Variants in CCDC77 observed in about 807,000 individuals in gnomAD.
CCDC77 encodes coiled-coil domain-containing protein 77.
A neutral mutation model predicts 66.8 loss-of-function variants in CCDC77; 56 were observed. The ratio of observed to expected loss-of-function variants is 0.84; its 90% CI spans 0.68 to 1.05. CCDC77 has a LOEUF of 1.05. Ranked by LOEUF, CCDC77 falls within the 50% of genes least tolerant of loss-of-function variation. The pLI is 0.00. For missense variants in CCDC77, 570 were observed against 576.8 expected (o/e 0.99, Z 0.12); for synonymous variants, 196 against 195.2 (o/e 1.00, Z -0.03).
intron 1 of CCDC77, among the ~76,000 whole-genome samples, chr12:396,275 C>A (rs992973560): frequency 1.3e-4 from 20 of 152,024 alleles, no homozygotes; most frequent in African/African-American, 4.3e-4. Context: ...GCCTGTAATC[C>A]CAGCTACTTG....
intron 9 of CCDC77, among the ~76,000 whole-genome samples, chr12:434,072 T>C (rs1357158178): frequency 6.6e-6 from 1 of 152,188 alleles, no homozygotes; most frequent in Non-Finnish European, 1.5e-5. Context: ...CTGTAAACTT[T>C]ACAGTTTACA....
rs548239850 is a variant in CCDC77 at position 395,620 on chromosome 12, G to A, written c.-113+6134G>A. On this transcript the variant is annotated intron_variant, in intron 1 of 11. Transcript: ENST00000422000. ...GATTAAAAAACAGTACAGGCCGAGT[G>A]TGCTGGCTCACGCCTGTAATCCCAG... 1.7e-3 allele frequency among the ~76,000 whole-genome samples: 261 copies of A among 152,246 alleles called. 1 individual carries two copies. Among genetic ancestry groups the A allele is most frequent in the Admixed American group, 3.1e-3 (47 of 15,292 alleles).
chr12:429,424 G>T (rs1351556230), intron 6 of CCDC77, among the ~76,000 whole-genome samples: 2 of 148,438 alleles, frequency 1.3e-5, no homozygotes, highest in Non-Finnish European at 3.0e-5. Flanking sequence ...ATCTGTATAC[G>T]TATACTTCTG....
intron 1 of CCDC77, among the ~76,000 whole-genome samples, chr12:395,457 A>G (rs1944814967): frequency 6.6e-6 from 1 of 152,236 alleles, no homozygotes; most frequent in Non-Finnish European, 1.5e-5. Context: ...TGAATATCCA[A>G]TCAGGAGGGA....
rs755760355 is a variant in CCDC77, at chr12:438,323, T to C, written c.822-12T>C. Reference sequence around the variant, plus strand: ...CGCATCCTCATGTCTGCATTTATACTTTCTTTCCTAGTCTTCACCACACCC... The same window carrying C: ...CGCATCCTCATGTCTGCATTTATACCTTCTTTCCTAGTCTTCACCACACCC... On this transcript the variant is annotated splice_polypyrimidine_tract_variant and intron_variant, in intron 9 of 12. Coordinates refer to ENST00000239830, the MANE Select transcript of CCDC77 (RefSeq NM_032358.4). 18 of 1,590,338 alleles carry C rather than the reference T, an allele frequency of 1.1e-5. No homozygotes were observed. The highest frequency in any genetic ancestry group is 8.6e-5 in the Admixed American group (5 of 58,232).
At chr12:423,289 A>G (rs993382503) in intron 5 of CCDC77, among the ~76,000 whole-genome samples, 6 of 104,512 alleles carry the variant, frequency 5.7e-5, no homozygotes, top group African/African-American at 2.2e-4. Context: ...ATGCCCAGCT[A>G]ATTTTTATAT....
At chr12:434,169 A>G (rs1227590073) in intron 9 of CCDC77, among the ~76,000 whole-genome samples, 1 of 152,100 alleles carries the variant, frequency 6.6e-6, no homozygotes, top group African/African-American at 2.4e-5. Context: ...CTTTAAAAAA[A>G]AAAGGTTATT....
At chr12:434,802 C>T (rs1201667337) in intron 9 of CCDC77, among the ~76,000 whole-genome samples, 1 of 152,212 alleles carries the variant, frequency 6.6e-6, no homozygotes, top group Non-Finnish European at 1.5e-5. Context: ...GGTTCTTCTA[C>T]CTATCTAACC....
intron 1 of CCDC77, among the ~76,000 whole-genome samples, chr12:391,773 T>C (rs1944758859): frequency 6.6e-6 from 1 of 152,260 alleles, no homozygotes; most frequent in Admixed American, 6.5e-5. Flanking sequence ...ATAATGATTC[T>C]CAATCATTTT....
At chr12:390,669 C>T (rs942911138) in intron 1 of CCDC77, among the ~76,000 whole-genome samples, 6 of 152,144 alleles carry the variant, frequency 3.9e-5, no homozygotes, top group African/African-American at 1.4e-4. Context: ...CCAACCCACC[C>T]TGCAGATTTT....
intron 5 of CCDC77, among the ~76,000 whole-genome samples, chr12:419,330 C>T (rs1015091123): frequency 6.6e-6 from 1 of 152,244 alleles, no homozygotes; most frequent in African/African-American, 2.4e-5. Context: ...AAGCCCCCTT[C>T]AGCCAAGTGT....
intron 1 of CCDC77, chr12:389,593 A>AGGCGGGGCGAGGCGGGG (rs1944713660): frequency 8.8e-6 from 1 of 113,388 alleles, no homozygotes; most frequent in African/African-American, 3.8e-5. Flanking sequence ...GCGAGGCGCG[A>AGGCGGGGCGAGGCGGGG]CGCGACGTGA....
intron 5 of CCDC77, among the ~76,000 whole-genome samples, chr12:426,243 C>T (rs970281313): frequency 7.9e-5 from 12 of 152,180 alleles, no homozygotes; most frequent in African/African-American, 2.7e-4. Flanking sequence ...CACTGCTGTC[C>T]ATGTCACATG....
chr12:436,274 C>A (rs141122320), intron 9 of CCDC77, among the ~76,000 whole-genome samples: 2 of 151,714 alleles, frequency 1.3e-5, no homozygotes, highest in African/African-American at 2.4e-5. Context: ...CCCACCACCA[C>A]GCCCGGCTAA....
intron 12 of CCDC77, 57 bp from the exon 13 acceptor site, chr12:441,717 G>T: frequency 6.4e-7 from 1 of 1,559,136 alleles, no homozygotes. Context: ...GACTGATATC[G>T]CTCCCCTGGC....
rs1417223029 is a variant in CCDC77 at position 409,429 on chromosome 12, A to G, written c.38+8A>G. 1 of 1,612,552 alleles carries G rather than the reference A, an allele frequency of 6.2e-7. No individual in the cohort carries two copies. The highest frequency in any genetic ancestry group is 1.7e-5 in the Admixed American group (1 of 59,974). ...CACCCCTGTCTGCAGAAAGTAAGAC[A>G]TTTGCTTATTTTCAAGTTGTTAAGA... On this transcript the variant is annotated splice_region_variant and intron_variant, in intron 3 of 12. Transcript: ENST00000239830.
At chr12:399,917 G>A (rs761549848), upstream of CCDC77, among the ~76,000 whole-genome samples, 1 of 152,184 alleles carries the variant, frequency 6.6e-6, no homozygotes, top group African/African-American at 2.4e-5. Flanking sequence ...GCCAGGTATT[G>A]ACTTCTCTCT....
In CCDC77 at chr12:392,894, A is replaced by T. The variant is rs556068489; in HGVS notation, c.-113+3408A>T. Among the ~76,000 whole-genome samples, 51 of 152,148 alleles carry T rather than the reference A, an allele frequency of 3.4e-4. 1 individual carries two copies. Among genetic ancestry groups the T allele is most frequent in the Non-Finnish European group, 6.6e-4 (45 of 67,994 alleles). ...CTTTTATATTTAAATACATTTTAAA[A>T]ATAATAACTATATTTTCCAAAACAA... On this transcript the variant is annotated intron_variant, in intron 1 of 11. Transcript: ENST00000422000.
Position 423,477 on chromosome 12 carries a change from G to GTTT in CCDC77, c.413+4842_413+4843insTTT, listed in dbSNP as rs1565572179. 8.8e-4 allele frequency among the ~76,000 whole-genome samples: 22 copies of GTTT among 24,984 alleles called. 2 individuals carry two copies. Among genetic ancestry groups the GTTT allele is most frequent in the African/African-American group, 1.3e-3 (14 of 10,396 alleles). The allele number at this position is 24,984 out of a possible 152,430, so 16.4% of individuals were successfully genotyped here. ...TTTCTGGGTGTTTTTTGTGTTTTTT[G>GTTT]TGTTTTTTTTTGTTTTGTTTTTTTT... On this transcript the variant is annotated intron_variant, in intron 5 of 12. Coordinates refer to ENST00000239830, the MANE Select transcript of CCDC77 (RefSeq NM_032358.4).
Sources: gnomAD v4.1 joint callset for allele counts (sites outside exome capture counted in the v4.1 genomes callset) on GRCh38, gnomAD v4.1.1 for gene constraint, MANE v1.5 for transcripts, NCBI Gene and HGNC (gene_info 2026-07-23, HGNC 2026-07-21) for gene names.